The following DLG2 variants were observed in gnomAD, a reference collection of about 807,000 sequenced individuals.
The protein encoded by DLG2 is disks large homolog 2.
Under a neutral mutation model 132.5 loss-of-function variants are expected in DLG2, and 45 were observed. The ratio of observed to expected loss-of-function variants is 0.34; its 90% CI spans 0.27 to 0.44. The LOEUF (loss-of-function observed/expected upper bound fraction) is 0.44, where lower values mean the gene tolerates loss of function less well. Ranked by LOEUF, DLG2 falls within the 20% of genes least tolerant of loss-of-function variation. DLG2 has a pLI of 1.00. For missense variants in DLG2, 1,045 were observed against 1,196.9 expected (o/e 0.87, Z 1.87); for synonymous variants, 424 against 419.6 (o/e 1.01, Z -0.13).
intron 18 of DLG2, among the ~76,000 whole-genome samples, chr11:83,731,463 G>T (rs2090993855): frequency 6.6e-6 from 1 of 152,150 alleles, no homozygotes; most frequent in Admixed American, 6.5e-5. Context: ...CAAAGAACAT[G>T]ATTTCATTCC....
chr11:84,914,400 G>C (rs1041247937), intron 6 of DLG2, among the ~76,000 whole-genome samples: 2 of 152,212 alleles, frequency 1.3e-5, no homozygotes, highest in African/African-American at 4.8e-5. Context: ...ATCGTGGGGA[G>C]TTTTATTATC....
chr11:84,419,953 T>G (rs2098942937), intron 7 of DLG2, among the ~76,000 whole-genome samples: 1 of 152,214 alleles, frequency 6.6e-6, no homozygotes, highest in Non-Finnish European at 1.5e-5. Context: ...ATTATGTCAA[T>G]TAAAACCTTT....
At chr11:84,490,847 A>T (rs775628051) in intron 7 of DLG2, among the ~76,000 whole-genome samples, 10 of 151,808 alleles carry the variant, frequency 6.6e-5, no homozygotes, top group Non-Finnish European at 1.2e-4. Context: ...AGGAATAATG[A>T]CAACTAAAAA....
intron 11 of DLG2, among the ~76,000 whole-genome samples, chr11:84,051,582 C>T (rs1356336621): frequency 1.5e-5 from 2 of 131,218 alleles, no homozygotes; most frequent in Non-Finnish European, 3.1e-5. Flanking sequence ...AATGAGAACA[C>T]ATGGATACAG....
At chr11:83,919,452 A>C (rs967481260) in intron 15 of DLG2, among the ~76,000 whole-genome samples, 1 of 152,216 alleles carries the variant, frequency 6.6e-6, no homozygotes, top group Non-Finnish European at 1.5e-5. Context: ...ATCCAAAATA[A>C]ATAAGGCAGA....
chr11:85,281,600 C>G (rs916380628), intron 4 of DLG2, among the ~76,000 whole-genome samples: 1 of 151,966 alleles, frequency 6.6e-6, no homozygotes, highest in African/African-American at 2.4e-5. Context: ...GTTTCTATTT[C>G]GCTCATAGTA....
intron 14 of DLG2, among the ~76,000 whole-genome samples, chr11:83,944,600 A>AT (rs1271264411): frequency 2.0e-5 from 3 of 152,160 alleles, no homozygotes; most frequent in African/African-American, 2.4e-5. Flanking sequence ...GATGGAAGAG[A>AT]TTTTTTAGAA....
chr11:85,430,524 A>G (rs2153011822), intron 3 of DLG2, among the ~76,000 whole-genome samples: 1 of 152,264 alleles, frequency 6.6e-6, no homozygotes, highest in Non-Finnish European at 1.5e-5. Context: ...TAAAAATCCA[A>G]TTTTTAAAAC....
chr11:83,831,592 A>T lies in DLG2; in HGVS notation c.1722+2022T>A, dbSNP rs78872001. Among the ~76,000 whole-genome samples the T allele has an allele frequency of 8.0e-3, 1,221 of 152,212 alleles. 16 individuals are homozygous for T. Among genetic ancestry groups the T allele is most frequent in the African/African-American group, 0.028 (1,176 of 41,542 alleles). On this transcript the variant is annotated intron_variant, in intron 17 of 27. Coordinates refer to ENST00000376104, the MANE Select transcript of DLG2 (RefSeq NM_001142699.3). ...ATTTTCCCATTTTTTGAAGGGTTGG[A>T]ATGGTGGCTAACAAATATAAGGTAA... is the stretch of plus-strand genomic sequence containing the variant.
chr11:85,401,660 T>C (rs1292688355), intron 3 of DLG2, among the ~76,000 whole-genome samples: 1 of 152,164 alleles, frequency 6.6e-6, no homozygotes, highest in Admixed American at 6.6e-5. Context: ...ACAAAATCAA[T>C]GTGCAAAAAT....
chr11:84,161,432 A>G (rs1171719260), intron 9 of DLG2, among the ~76,000 whole-genome samples: 1 of 152,192 alleles, frequency 6.6e-6, no homozygotes, highest in African/African-American at 2.4e-5. Flanking sequence ...ATTGCTTGAC[A>G]TAGAGGCTTT....
intron 2 of DLG2, among the ~76,000 whole-genome samples, chr11:85,624,573 C>G (rs1384662795): frequency 6.6e-6 from 1 of 152,172 alleles, no homozygotes; most frequent in African/African-American, 2.4e-5. Context: ...CTTAAAAATA[C>G]TGTTCTTATA....
chr11:85,122,969 ATTTTT>A (rs1175644391), intron 5 of DLG2, among the ~76,000 whole-genome samples: 2 of 86,894 alleles, frequency 2.3e-5, no homozygotes, highest in African/African-American at 4.3e-5. Flanking sequence ...ATATATATAT[ATTTTT>A]TTTTTTTTTT....
chr11:85,555,085 T>C (rs2076865841), intron 3 of DLG2, among the ~76,000 whole-genome samples: 1 of 151,874 alleles, frequency 6.6e-6, no homozygotes, highest in Non-Finnish European at 1.5e-5. Flanking sequence ...GGCTGCCTCA[T>C]GATAATTAAA....
chr11:85,462,666 G>A (rs1180844748), intron 3 of DLG2, among the ~76,000 whole-genome samples: 12 of 152,142 alleles, frequency 7.9e-5, no homozygotes, highest in Middle Eastern at 3.4e-3. Flanking sequence ...TGGGGGGAGC[G>A]GGGAGGGATA....
intron 21 of DLG2, among the ~76,000 whole-genome samples, chr11:83,513,883 T>C (rs546984901): frequency 4.1e-4 from 62 of 152,322 alleles, no homozygotes; most frequent in Non-Finnish European, 7.2e-4. Flanking sequence ...GTTCCATTGG[T>C]CTATATCTCT....
At position 84,235,345 on chromosome 11, in the gene DLG2, T is replaced by A. The variant is rs141703894; in HGVS notation, c.573+15893A>T. 2.0e-5 allele frequency among the ~76,000 whole-genome samples: 3 copies of A among 152,346 alleles called. No homozygotes were observed. The East Asian group carries it at 5.8e-4, about 29-fold the overall frequency. The stretch of plus-strand genomic sequence containing the variant: ...GTATCGAGGGCCGTAGGTTTCATAT[T>A]TGATTCAGAATAAATCTCTTCAAAT... On this transcript the variant is annotated intron_variant, in intron 8 of 27. Transcript: ENST00000376104.
chr11:84,759,476 G>C (rs2067312757), intron 6 of DLG2, among the ~76,000 whole-genome samples: 1 of 152,130 alleles, frequency 6.6e-6, no homozygotes, highest in Non-Finnish European at 1.5e-5. Flanking sequence ...AGCATCATCT[G>C]TTTTCTGCAC....
chr11:85,595,159 TC>T (rs2079653043), intron 3 of DLG2, among the ~76,000 whole-genome samples: 1 of 150,666 alleles, frequency 6.6e-6, no homozygotes, highest in African/African-American at 2.4e-5. Context: ...GCCTTGAAAA[TC>T]TTAATGTTTT....
Sources: gnomAD v4.1 joint callset for allele counts (sites outside exome capture counted in the v4.1 genomes callset) on GRCh38, gnomAD v4.1.1 for gene constraint, MANE v1.5 for transcripts, NCBI Gene and HGNC (gene_info 2026-07-23, HGNC 2026-07-21) for gene names.